DYRK1A: variants seen among roughly 807,000 people sequenced by gnomAD.
The protein encoded by DYRK1A is dual specificity tyrosine phosphorylation regulated kinase 1A, also known as dual specificity tyrosine-phosphorylation-regulated kinase 1A.
DYRK1A carries 9 observed loss-of-function variants against 79.7 expected under a neutral mutation model. That is an observed-to-expected ratio of 0.11 (90% confidence interval 0.07 to 0.20). The LOEUF (loss-of-function observed/expected upper bound fraction) is 0.20, where lower values mean the gene tolerates loss of function less well. DYRK1A is among the 10% of genes least tolerant of loss of function. The pLI is 1.00. For synonymous variants in DYRK1A, 349 were observed against 329.7 expected (o/e 1.06, Z -0.63); for missense variants, 622 against 956.0 (o/e 0.65, Z 4.61).
rs1329948344 is a variant in DYRK1A at position 37,525,163 on chromosome 21, T to C, written c.*12632T>C. On this transcript the variant is annotated 3_prime_UTR_variant, in exon 12 of 12. Coordinates refer to ENST00000647188, the MANE Select transcript of DYRK1A (RefSeq NM_001347721.2). ...AAGTGGAATCTGCTAAGATGTGTTATGACTGTTGGTAGTGGAAATATATGT... is the reference window on the plus strand; with the variant it reads ...AAGTGGAATCTGCTAAGATGTGTTACGACTGTTGGTAGTGGAAATATATGT... 1 of 152,248 alleles carries C rather than the reference T, an allele frequency of 6.6e-6. No homozygotes were observed. The highest frequency in any genetic ancestry group is 1.5e-5 in the Non-Finnish European group (1 of 68,044). 9.4% of individuals were successfully genotyped at this position (152,248 alleles called of 1,614,324 possible). A position where few individuals can be genotyped will look rare whatever the true frequency, so the allele number is the denominator to read the frequency against.
chr21:37,467,799 A>C (rs1180880602), intron 2 of DYRK1A, among the ~76,000 whole-genome samples: 1 of 152,164 alleles, frequency 6.6e-6, no homozygotes, highest in Non-Finnish European at 1.5e-5. Context: ...TCCAAGATTG[A>C]GAATATGTGA....
intron 2 of DYRK1A, among the ~76,000 whole-genome samples, chr21:37,433,902 G>A (rs1489285812): frequency 6.6e-6 from 1 of 152,138 alleles, no homozygotes; most frequent in Non-Finnish European, 1.5e-5. Context: ...TTTGTTTCTA[G>A]GATGGGGGGG....
chr21:37,439,578 T>C (rs953841691), intron 2 of DYRK1A, among the ~76,000 whole-genome samples: 1 of 152,198 alleles, frequency 6.6e-6, no homozygotes, highest in Admixed American at 6.5e-5. Flanking sequence ...TAGACTCGCA[T>C]AGACATGCAC....
In DYRK1A at chr21:37,526,051, T is replaced by C. The variant is rs1398183820; in HGVS notation, c.*13520T>C. ...AGTGATTTCAAGAAGAACTATTGTT[T>C]GAATCACAACTAATGTTACTGCTTT... On this transcript the variant is annotated 3_prime_UTR_variant, in exon 12 of 12. Coordinates refer to ENST00000647188, the MANE Select transcript of DYRK1A (RefSeq NM_001347721.2). 6.6e-6 allele frequency: 1 copy of C among 152,228 alleles called. No homozygotes were observed. Among genetic ancestry groups the C allele is most frequent in the Non-Finnish European group, 1.5e-5 (1 of 68,038 alleles). The allele number at this position is 152,228 out of a possible 1,614,324, so 9.4% of individuals were successfully genotyped here.
intron 1 of DYRK1A, among the ~76,000 whole-genome samples, chr21:37,411,374 C>A (rs936896966): frequency 6.8e-6 from 1 of 147,676 alleles, no homozygotes; most frequent in African/African-American, 2.5e-5. Flanking sequence ...CCCCCTCCCC[C>A]CCAAAAAATG....
At chr21:37,480,336 C>T (rs1055270985) in intron 4 of DYRK1A, among the ~76,000 whole-genome samples, 8 of 152,152 alleles carry the variant, frequency 5.3e-5, no homozygotes, top group Non-Finnish European at 1.5e-5. Context: ...CTCTTAAGAT[C>T]TGTGCCACCT....
intron 1 of DYRK1A, among the ~76,000 whole-genome samples, chr21:37,418,482 C>T (rs2050401634): frequency 1.3e-5 from 2 of 152,108 alleles, no homozygotes; most frequent in Non-Finnish European, 2.9e-5. Flanking sequence ...TCAGTAATAT[C>T]TACTTCTATC....
chr21:37,507,829 C>A (rs944722045), intron 11 of DYRK1A, among the ~76,000 whole-genome samples: 1 of 152,108 alleles, frequency 6.6e-6, no homozygotes, highest in African/African-American at 2.4e-5. Flanking sequence ...CCTGCAGTCA[C>A]CATCCTCATG....
At chr21:37,421,381 T>C (rs759050515) in intron 2 of DYRK1A, among the ~76,000 whole-genome samples, 2 of 152,116 alleles carry the variant, frequency 1.3e-5, no homozygotes, top group Non-Finnish European at 2.9e-5. Flanking sequence ...TTTAAAAAAT[T>C]GTTTCGGTGT....
chr21:37,395,949 C>T (rs967430825), intron 1 of DYRK1A, among the ~76,000 whole-genome samples: 1 of 152,210 alleles, frequency 6.6e-6, no homozygotes, highest in Non-Finnish European at 1.5e-5. Context: ...TAACATATGA[C>T]AAGCCAGGGC....
chr21:37,408,355 T>G (rs2050185864), intron 1 of DYRK1A, among the ~76,000 whole-genome samples: 2 of 152,170 alleles, frequency 1.3e-5, no homozygotes, highest in Admixed American at 1.3e-4. Context: ...TATACAGAAG[T>G]GGAGAGAATA....
At chr21:37,423,823 G>A (rs1179792658) in intron 2 of DYRK1A, among the ~76,000 whole-genome samples, 1 of 152,062 alleles carries the variant, frequency 6.6e-6, no homozygotes, top group Non-Finnish European at 1.5e-5. Context: ...TAAATGTGCT[G>A]ATTTGTTCAT....
chr21:37,457,037 C>CTTACTTACTTACTTATTTATTTAT (rs1035437095), intron 2 of DYRK1A, among the ~76,000 whole-genome samples: 2 of 59,228 alleles, frequency 3.4e-5, no homozygotes, highest in African/African-American at 1.3e-4. Flanking sequence ...TACTTACTTA[C>CTTACTTACTTACTTATTTATTTAT]TTATTTATTT....
At chr21:37,412,991 A>AG (rs1377805966) in intron 1 of DYRK1A, among the ~76,000 whole-genome samples, 3 of 152,192 alleles carry the variant, frequency 2.0e-5, no homozygotes, top group African/African-American at 7.2e-5. Context: ...TGAAGCGGTC[A>AG]GGGGATAGAA....
intron 1 of DYRK1A, among the ~76,000 whole-genome samples, chr21:37,403,642 A>T (rs1362731476): frequency 4.0e-5 from 4 of 101,044 alleles, no homozygotes; most frequent in African/African-American, 1.6e-4. Context: ...ATTAAAAAAA[A>T]AAAAAAATAT....
chr21:37,478,130 AG>A, intron 3 of DYRK1A, 77 bp from the exon 4 acceptor site: 2 of 1,587,410 alleles, frequency 1.3e-6, no homozygotes, highest in Non-Finnish European at 1.7e-6. Context: ...GTTACAGAAG[AG>A]GGAATTTATA....
At chr21:37,426,640 G>T (rs1313560728) in intron 2 of DYRK1A, among the ~76,000 whole-genome samples, 2 of 151,934 alleles carry the variant, frequency 1.3e-5, no homozygotes, top group Non-Finnish European at 1.5e-5. Flanking sequence ...GCCGGGTGTG[G>T]TGGCTCACGC....
At chr21:37,450,215 A>G (rs1241767254) in intron 2 of DYRK1A, among the ~76,000 whole-genome samples, 1 of 152,186 alleles carries the variant, frequency 6.6e-6, no homozygotes, top group Non-Finnish European at 1.5e-5. Flanking sequence ...CCAGGGAGGT[A>G]AGGTAGGAGA....
intron 9 of DYRK1A, chr21:37,503,384 G>A (rs934837302): frequency 6.6e-5 from 10 of 151,974 alleles, no homozygotes; most frequent in Admixed American, 6.6e-4. Flanking sequence ...CTTGTGCTGA[G>A]TCCAGTCTGT....
Sources: gnomAD v4.1 joint callset for allele counts (sites outside exome capture counted in the v4.1 genomes callset) on GRCh38, gnomAD v4.1.1 for gene constraint, MANE v1.5 for transcripts, NCBI Gene and HGNC (gene_info 2026-07-23, HGNC 2026-07-21) for gene names.